The following VWF variants were observed in gnomAD, a reference collection of about 807,000 sequenced individuals.
VWF encodes the protein von Willebrand factor, also known as Factor VIII related antigen.
Under a neutral mutation model 308.6 loss-of-function variants are expected in VWF, and 176 were observed. The observed-to-expected ratio is 0.57, with a 90% CI of 0.50 to 0.65. VWF has a LOEUF of 0.65. Among genes scored for constraint, VWF ranks in the 30% least tolerant of loss-of-function variants. The pLI is 0.00. For missense variants in VWF, 3,146 were observed against 3,648.2 expected, an observed-to-expected ratio of 0.86 and a Z score of 3.55; for synonymous variants, 1,385 against 1,443.4, an observed-to-expected ratio of 0.96 and a Z score of 0.92.
In VWF at chr12:6,058,232, A is replaced by G. The variant is rs1944612570; in HGVS notation, c.1534-188T>C. On this transcript the variant is annotated intron_variant, in intron 13 of 51. Transcript: ENST00000261405. This position sits in a 1 kb window ranked among gnomAD's most constrained non-coding sequence, Gnocchi z 4.9. The stretch of plus-strand genomic sequence containing the variant: ...CGGGGGAAAGTGAACTGCAGTGTAA[A>G]TTTACCAGCTCCATCCCTGTTCCCA... 6.6e-6 allele frequency among the ~76,000 whole-genome samples: 1 copy of G among 152,198 alleles called. No homozygotes were observed. Among genetic ancestry groups the G allele is most frequent in the Non-Finnish European group, 1.5e-5 (1 of 68,038 alleles).
chr12:5,968,250 C>A, intron 45 of VWF, 83 bp from the exon 46 acceptor site: 1 of 1,555,748 alleles, frequency 6.4e-7, no homozygotes, highest in Non-Finnish European at 8.8e-7. Flanking sequence ...CTTTGGGGCT[C>A]CTCCTCCGTG....
At chr12:6,112,852 A>C (rs570709044) in intron 3 of VWF, among the ~76,000 whole-genome samples, 2 of 147,206 alleles carry the variant, frequency 1.4e-5, no homozygotes, top group Admixed American at 6.8e-5. Flanking sequence ...ACACACACAC[A>C]CCACACGCAC....
Position 5,981,924 on chromosome 12 carries a change from A to C in VWF, c.7149T>G (p.Leu2383=), listed in dbSNP as rs777576742. 2.6e-5 allele frequency: 42 copies of C among 1,602,630 alleles called. No homozygotes were observed. Among genetic ancestry groups the C allele is most frequent in the Non-Finnish European group, 3.5e-5 (41 of 1,173,250 alleles). Residue 2383 remains leucine, a synonymous_variant, in exon 42 of 52, where the codon CTT becomes CTG. Coordinates refer to ENST00000261405, the MANE Select transcript of VWF (RefSeq NM_000552.5). ...ACTCATCACAGCACTGGGTCTTCCG[A>C]AGGGTGGGCAAACGGTGCGGGGGGC... ...PSCPPHRLPT[L]RKTQCCDEYE...
chr12:6,045,668 G>A (rs762051518), intron 17 of VWF, among the ~76,000 whole-genome samples: 4 of 152,324 alleles, frequency 2.6e-5, no homozygotes, highest in Admixed American at 6.5e-5. Flanking sequence ...GACCTGTCAC[G>A]CAGGGCAAGC....
Position 6,103,414 on chromosome 12 carries a change from ACGTGTGTG to A in VWF, c.532+6952_532+6959del, listed in dbSNP as rs1565390965. ...TGTGTATACACGTGTGTGTATACAC[ACGTGTGTG>A]TATACACACGTGTGTATATACATAC... On this transcript the variant is annotated intron_variant, in intron 5 of 51. Transcript: ENST00000261405. Among the ~76,000 whole-genome samples, 78 of 115,642 alleles carry A rather than the reference ACGTGTGTG, an allele frequency of 6.7e-4. 4 individuals are homozygous for A. The highest frequency in any genetic ancestry group is 4.8e-3 in the African/African-American group (75 of 15,482). 75.9% of individuals were successfully genotyped at this position (115,642 alleles called of 152,430 possible).
chr12:6,059,172 A>T (rs955942475), intron 13 of VWF, among the ~76,000 whole-genome samples: 1 of 152,196 alleles, frequency 6.6e-6, no homozygotes, highest in East Asian at 1.9e-4. Context: ...TGCTTGACAA[A>T]TACCAAATGT....
rs556528087 is a variant in VWF, at chr12:6,068,646, GT to G, written c.1156+2650del. On this transcript the variant is annotated intron_variant, in intron 10 of 51. Coordinates refer to ENST00000261405, the MANE Select transcript of VWF (RefSeq NM_000552.5). The stretch of plus-strand genomic sequence containing the variant: ...CACCATGCCCAGCTAATTTCTGTGG[GT>G]TTTTTGTTTTTGTTTTTGTTTTTAG... Among the ~76,000 whole-genome samples the G allele has an allele frequency of 1.9e-4, 29 of 151,664 alleles. 1 individual carries two copies. The East Asian group carries it at 5.5e-3, about 29-fold the overall frequency.
chr12:6,039,309 C>T (rs117425356), intron 18 of VWF, among the ~76,000 whole-genome samples: 2,376 of 152,260 alleles, frequency 0.016, 24 homozygotes, highest in Non-Finnish European at 0.026. Context: ...TTGGTCCACT[C>T]CAAGAAAATT....
At chr12:5,964,955 A>G (rs1466739871) in intron 47 of VWF, among the ~76,000 whole-genome samples, 1 of 152,174 alleles carries the variant, frequency 6.6e-6, no homozygotes, top group Non-Finnish European at 1.5e-5. Context: ...AAGTGAATGG[A>G]GGGAACAGCC....
chr12:6,057,697 T>C, intron 14 of VWF, 152 bp downstream of exon 14: 1 of 865,588 alleles, frequency 1.2e-6, no homozygotes. Context: ...GTTCAGATGA[T>C]CAAGTGCTGA....
chr12:6,073,157 G>A (rs981180692), intron 8 of VWF, among the ~76,000 whole-genome samples: 6 of 152,084 alleles, frequency 3.9e-5, no homozygotes, highest in African/African-American at 9.7e-5. Context: ...ATGAGCCACC[G>A]CACCCAGCCT....
intron 28 of VWF, 57 bp downstream of exon 28, chr12:6,018,308 C>T (rs1944084986): frequency 6.4e-7 from 1 of 1,566,698 alleles, no homozygotes; most frequent in Admixed American, 1.8e-5. Flanking sequence ...CATGTAGCAC[C>T]AAGGCCATGC....
rs1943662426 is a variant in VWF at position 5,985,087 on chromosome 12, G to A, written c.6934C>T (p.Leu2312Phe). ...CAGCACTGGTCTGCATTCTGGCGGA[G>A]GCGGGCTACTTCACACAGGCCACAC... ...PTCGLCEVAR[L>F]RQNADQCCPE... Residue 2312 changes from leucine (L) to phenylalanine (F), a missense_variant, in exon 40 of 52, where the codon CTC becomes TTC. By Grantham distance (22) the Leu-to-Phe change is conservative. Coordinates refer to ENST00000261405, the MANE Select transcript of VWF (RefSeq NM_000552.5). The A allele has an allele frequency of 1.2e-6, 2 of 1,614,098 alleles. No individual in the cohort carries two copies. The highest frequency in any genetic ancestry group is 1.7e-6 in the Non-Finnish European group (2 of 1,180,048).
chr12:5,997,697 A>G (rs1401769040), intron 34 of VWF, among the ~76,000 whole-genome samples: 1 of 152,220 alleles, frequency 6.6e-6, no homozygotes, highest in Non-Finnish European at 1.5e-5. Flanking sequence ...TAAGACACAA[A>G]ATAAATTCAA....
At position 5,951,895 on chromosome 12, in the gene VWF, G is replaced by A. The variant is rs1431275793; in HGVS notation, c.8116-12C>T. ...TTCATAATTTTACCCTAAGAAAACA[G>A]CAAAATTTCAGGTTAGGCACAAACA... On this transcript the variant is annotated splice_polypyrimidine_tract_variant and intron_variant, in intron 49 of 51. Coordinates refer to ENST00000261405, the MANE Select transcript of VWF (RefSeq NM_000552.5). 3 of 1,614,172 alleles carry A rather than the reference G, an allele frequency of 1.9e-6. No homozygotes were observed. The highest frequency in any genetic ancestry group is 2.5e-6 in the Non-Finnish European group (3 of 1,180,014).
At chr12:6,039,146 C>T (rs1171363119) in intron 18 of VWF, among the ~76,000 whole-genome samples, 3 of 152,190 alleles carry the variant, frequency 2.0e-5, no homozygotes, top group Admixed American at 2.0e-4. Context: ...AGTGTTTGTC[C>T]CTTCGGGACA....
chr12:5,996,243 G>A (rs777216583), intron 34 of VWF, 21 bp from the exon 35 acceptor site: 2 of 1,597,308 alleles, frequency 1.3e-6, no homozygotes, highest in Non-Finnish European at 1.7e-6. Context: ...AGAAGCAGAG[G>A]ATGGATGCGA....
intron 6 of VWF, among the ~76,000 whole-genome samples, chr12:6,087,525 ATT>A (rs758721934): frequency 1.5e-5 from 2 of 129,344 alleles, no homozygotes. Context: ...CGCCCGGCTA[ATT>A]TTTTTTTTTT....
rs1251389705 is a variant in VWF at position 5,958,126 on chromosome 12, ACTC to A, written c.7888-4535_7888-4533del. Among the ~76,000 whole-genome samples, 6 of 152,244 alleles carry A rather than the reference ACTC, an allele frequency of 3.9e-5. No homozygotes were observed. The East Asian group carries it at 1.2e-3, about 29-fold the overall frequency. Reference sequence around the variant, plus strand: ...ACTAAAAAAAAGAAAAAAAAGAAAAACTCAGTTGAACCAAAAGACAAAAAAGAA... The same window carrying A: ...ACTAAAAAAAAGAAAAAAAAGAAAAAAGTTGAACCAAAAGACAAAAAAGAA... On this transcript the variant is annotated intron_variant, in intron 47 of 51. Transcript: ENST00000261405.
Sources: allele counts gnomAD v4.1 joint callset (sites outside exome capture counted in the v4.1 genomes callset), GRCh38; gene constraint gnomAD v4.1.1; non-coding constraint Gnocchi (gnomAD v3.1); transcripts MANE v1.5; gene names NCBI Gene and HGNC (gene_info 2026-07-23, HGNC 2026-07-21).